Variants in RBM46 observed in about 807,000 individuals in gnomAD.
RBM46 encodes the protein RNA binding motif protein 46.
A neutral mutation model predicts 43.3 loss-of-function variants in RBM46; 12 were observed. The ratio of observed to expected loss-of-function variants is 0.28; its 90% CI spans 0.18 to 0.45. The LOEUF is 0.45. RBM46 is among the 20% of genes least tolerant of loss of function. RBM46 has a pLI of 1.00. For synonymous variants in RBM46, 205 were observed against 207.6 expected (o/e 0.99, Z 0.11); for missense variants, 412 against 639.1 (o/e 0.64, Z 3.83).
chr4:154,822,160 G>A (rs951286360), intron 4 of RBM46, among the ~76,000 whole-genome samples: 1 of 151,604 alleles, frequency 6.6e-6, no homozygotes, highest in African/African-American at 2.4e-5. Flanking sequence ...GGTTCATTTT[G>A]ATTTATGTCT....
At chr4:154,820,448 C>G (rs1254190988) in intron 4 of RBM46, 12 of 1,281,138 alleles carry the variant, frequency 9.4e-6, no homozygotes, top group Admixed American at 2.2e-5. Context: ...GTAAAACTCT[C>G]TTAGGAATAT....
intron 4 of RBM46, chr4:154,826,739 CTTTT>C (rs34828322): frequency 0.029 from 26,373 of 920,050 alleles, 7 homozygotes; most frequent in South Asian, 0.035. Context: ...TTCATTTTTC[CTTTT>C]TTTTTTTTTT....
At chr4:154,792,035 CCT>C (rs749251399) in intron 1 of RBM46, among the ~76,000 whole-genome samples, 14 of 152,064 alleles carry the variant, frequency 9.2e-5, no homozygotes, top group Non-Finnish European at 2.1e-4. Flanking sequence ...AGTTACATGA[CCT>C]CAAGTAAATC....
Position 154,798,773 on chromosome 4 carries a change from T to G in RBM46, c.620-9T>G. The G allele has an allele frequency of 2.1e-6, 3 of 1,437,712 alleles. No homozygotes were observed. The South Asian group carries it at 4.9e-5, about 23-fold the overall frequency. 89.1% of individuals were successfully genotyped at this position (1,437,712 alleles called of 1,614,324 possible). Reference sequence around the variant, plus strand: ...TAATTCTCTTCAAATTATTATTTTTTTTTTACAGGAACATTCCAACTATGG... The same window carrying G: ...TAATTCTCTTCAAATTATTATTTTTGTTTTACAGGAACATTCCAACTATGG... On this transcript the variant is annotated splice_polypyrimidine_tract_variant and intron_variant, in intron 3 of 4. Coordinates refer to ENST00000281722, the MANE Select transcript of RBM46 (RefSeq NM_144979.5).
chr4:154,823,824 A>G (rs369535691), intron 4 of RBM46, among the ~76,000 whole-genome samples: 2 of 151,914 alleles, frequency 1.3e-5, no homozygotes, highest in East Asian at 3.9e-4. Context: ...ACCAGTCTCT[A>G]CTCTTGCTCC....
At chr4:154,805,642 G>C (rs966563099) in intron 4 of RBM46, among the ~76,000 whole-genome samples, 6 of 151,680 alleles carry the variant, frequency 4.0e-5, no homozygotes, top group Admixed American at 3.9e-4. Flanking sequence ...AAAAATATTT[G>C]GTGCTTTTTT....
intron 4 of RBM46, among the ~76,000 whole-genome samples, chr4:154,818,982 A>G (rs1158320238): frequency 6.6e-6 from 1 of 152,112 alleles, no homozygotes; most frequent in Non-Finnish European, 1.5e-5. Flanking sequence ...TGTTATTTCA[A>G]TACTCAGTTC....
At chr4:154,827,783 GATT>G (rs1262004665) in intron 4 of RBM46, 82 bp from the exon 5 acceptor site, 41 of 1,585,398 alleles carry the variant, frequency 2.6e-5, no homozygotes, top group Non-Finnish European at 3.2e-5. Flanking sequence ...GTTAAAATGT[GATT>G]ATTGTTTAAT....
intron 2 of RBM46, 55 bp from the exon 3 acceptor site, chr4:154,797,755 TA>T: frequency 8.5e-7 from 1 of 1,179,474 alleles, no homozygotes. Flanking sequence ...TATGATTGAA[TA>T]GTGAGTACAA....
At chr4:154,791,106 G>A (rs2135137) in intron 1 of RBM46, among the ~76,000 whole-genome samples, 32,070 of 152,090 alleles carry the variant, frequency 0.21, 4,339 homozygotes, top group East Asian at 0.44. Context: ...TTTTCCCATG[G>A]TTCTGTAGAA....
At chr4:154,808,482 GT>G (rs1306049782) in intron 4 of RBM46, among the ~76,000 whole-genome samples, 3 of 151,752 alleles carry the variant, frequency 2.0e-5, no homozygotes, top group Admixed American at 6.6e-5. Flanking sequence ...ACAATACATA[GT>G]TCCAGTCTGC....
At chr4:154,790,691 A>T (rs906106746) in intron 1 of RBM46, among the ~76,000 whole-genome samples, 2 of 152,204 alleles carry the variant, frequency 1.3e-5, no homozygotes, top group African/African-American at 4.8e-5. Context: ...AGACTAGGGA[A>T]GTTTTAAGAT....
At chr4:154,803,118 T>G (rs1039188021) in intron 4 of RBM46, among the ~76,000 whole-genome samples, 2 of 152,194 alleles carry the variant, frequency 1.3e-5, no homozygotes, top group Non-Finnish European at 2.9e-5. Context: ...GGAGTTTACT[T>G]CTGGTGAGCA....
At chr4:154,798,677 A>G in intron 3 of RBM46, 105 bp from the exon 4 acceptor site, 2 of 852,674 alleles carry the variant, frequency 2.3e-6, no homozygotes, top group Admixed American at 3.7e-5. Context: ...AAATTTATTG[A>G]TGTGTAGTTG....
intron 1 of RBM46, among the ~76,000 whole-genome samples, chr4:154,795,711 T>A (rs1291946169): frequency 6.6e-6 from 1 of 152,172 alleles, no homozygotes; most frequent in Admixed American, 6.5e-5. Flanking sequence ...ATTAAGCAGA[T>A]ATATATTTTA....
At chr4:154,805,025 G>T (rs997148114) in intron 4 of RBM46, among the ~76,000 whole-genome samples, 3 of 152,050 alleles carry the variant, frequency 2.0e-5, no homozygotes, top group Non-Finnish European at 2.9e-5. Context: ...CCTGACCTCA[G>T]TTGTAAACCC....
At chr4:154,796,142 G>C (rs1296019505) in intron 1 of RBM46, among the ~76,000 whole-genome samples, 1 of 152,130 alleles carries the variant, frequency 6.6e-6, no homozygotes, top group Non-Finnish European at 1.5e-5. Context: ...ACTCTAGCCT[G>C]GGTGACAAAG....
chr4:154,817,119 A>G (rs1197783558), intron 4 of RBM46, among the ~76,000 whole-genome samples: 1 of 152,000 alleles, frequency 6.6e-6, no homozygotes, highest in Non-Finnish European at 1.5e-5. Flanking sequence ...AGATTGACTC[A>G]TTCTTTTCCT....
intron 4 of RBM46, among the ~76,000 whole-genome samples, chr4:154,818,102 C>A (rs1361371617): frequency 6.6e-6 from 1 of 151,982 alleles, no homozygotes; most frequent in Non-Finnish European, 1.5e-5. Context: ...CCACAATGCC[C>A]AATATAATAA....
Sources: allele counts gnomAD v4.1 joint callset (sites outside exome capture counted in the v4.1 genomes callset), GRCh38; gene constraint gnomAD v4.1.1; transcripts MANE v1.5; gene names NCBI Gene and HGNC (gene_info 2026-07-23, HGNC 2026-07-21).